Variants in BRINP3 observed in about 807,000 individuals in gnomAD.
BRINP3 encodes BMP/retinoic acid inducible neural specific 3, also known as BMP/retinoic acid-inducible neural-specific protein 3.
BRINP3 carries 19 observed loss-of-function variants against 71.0 expected under a neutral mutation model. The ratio of observed to expected loss-of-function variants is 0.27; its 90% CI spans 0.19 to 0.39. The LOEUF (loss-of-function observed/expected upper bound fraction) is 0.39, where lower values mean the gene tolerates loss of function less well. BRINP3 is among the 10% of genes least tolerant of loss of function. The pLI, the probability that BRINP3 is intolerant of heterozygous loss-of-function variation, is 1.00. For missense variants in BRINP3, 959 were observed against 940.8 expected (o/e 1.02, Z -0.25); for synonymous variants, 380 against 337.7 (o/e 1.13, Z -1.37).
At chr1:190,205,316 C>A in intron 6 of BRINP3, among the ~76,000 whole-genome samples, 1 of 145,840 alleles carries the variant, frequency 6.9e-6, no homozygotes, top group East Asian at 2.0e-4. Context: ...CTTTTCTACC[C>A]GCCACACATG....
At chr1:190,318,907 T>C (rs1413355750) in intron 2 of BRINP3, among the ~76,000 whole-genome samples, 2 of 152,124 alleles carry the variant, frequency 1.3e-5, no homozygotes, top group Admixed American at 6.6e-5. Flanking sequence ...CAGATGTAGA[T>C]CTATATATTT....
At chr1:190,172,612 C>A (rs537573419) in intron 6 of BRINP3, among the ~76,000 whole-genome samples, 6 of 152,234 alleles carry the variant, frequency 3.9e-5, no homozygotes, top group African/African-American at 1.4e-4. Context: ...GAACTTGGCA[C>A]CATTGTCATT....
chr1:190,220,699 A>G (rs1656806180), intron 6 of BRINP3, among the ~76,000 whole-genome samples: 2 of 152,130 alleles, frequency 1.3e-5, no homozygotes, highest in Admixed American at 1.3e-4. Context: ...AACATGAAGG[A>G]GAGATAAACT....
chr1:190,168,554 A>T (rs967429821), intron 6 of BRINP3, among the ~76,000 whole-genome samples: 1 of 152,208 alleles, frequency 6.6e-6, no homozygotes. Flanking sequence ...CTTGAGTAAA[A>T]AATTGTAATG....
At chr1:190,303,668 G>A (rs1168446693) in intron 2 of BRINP3, among the ~76,000 whole-genome samples, 3 of 151,566 alleles carry the variant, frequency 2.0e-5, no homozygotes, top group Non-Finnish European at 4.4e-5. Flanking sequence ...AAAGAACTAG[G>A]TCAGTTAAAA....
chr1:190,326,388 A>G (rs1334478140), intron 2 of BRINP3, among the ~76,000 whole-genome samples: 1 of 152,120 alleles, frequency 6.6e-6, no homozygotes, highest in Non-Finnish European at 1.5e-5. Flanking sequence ...ATTTGAGGGA[A>G]TAACACAGGA....
At chr1:190,202,607 T>C (rs1655103341) in intron 6 of BRINP3, among the ~76,000 whole-genome samples, 1 of 151,988 alleles carries the variant, frequency 6.6e-6, no homozygotes, top group African/African-American at 2.4e-5. Context: ...TCCTACATGC[T>C]GTGGGAGGGA....
At chr1:190,372,039 A>G (rs1215887517) in intron 2 of BRINP3, among the ~76,000 whole-genome samples, 1 of 152,176 alleles carries the variant, frequency 6.6e-6, no homozygotes, top group East Asian at 1.9e-4. Context: ...AGTGAATACG[A>G]GCATTTTAGA....
intron 1 of BRINP3, among the ~76,000 whole-genome samples, chr1:190,473,826 A>T (rs770993354): frequency 5.3e-5 from 8 of 149,752 alleles, no homozygotes; most frequent in Non-Finnish European, 1.0e-4. Flanking sequence ...AAAGATTTTC[A>T]TACTGGGGTT....
chr1:190,468,965 T>C (rs1216252955), intron 1 of BRINP3, among the ~76,000 whole-genome samples: 2 of 150,966 alleles, frequency 1.3e-5, no homozygotes, highest in African/African-American at 2.4e-5. Context: ...GGAAAAATAA[T>C]AATGCTGTCT....
chr1:190,135,951 C>A (rs751294152), intron 7 of BRINP3, among the ~76,000 whole-genome samples: 16 of 151,968 alleles, frequency 1.1e-4, no homozygotes, highest in Non-Finnish European at 1.5e-4. Context: ...TAGCTAACTT[C>A]TTGTGGAACA....
intron 6 of BRINP3, among the ~76,000 whole-genome samples, chr1:190,202,569 C>A (rs1039195760): frequency 2.0e-5 from 3 of 151,982 alleles, no homozygotes; most frequent in African/African-American, 7.2e-5. Flanking sequence ...ATGTCCCCAC[C>A]CAAATCTCAT....
chr1:190,100,382 T>C (rs981828683), intron 7 of BRINP3, among the ~76,000 whole-genome samples: 1 of 152,168 alleles, frequency 6.6e-6, no homozygotes, highest in Non-Finnish European at 1.5e-5. Context: ...TTTATATTGT[T>C]TTTCTCATTA....
chr1:190,209,364 C>T (rs1655789561), intron 6 of BRINP3, among the ~76,000 whole-genome samples: 1 of 152,114 alleles, frequency 6.6e-6, no homozygotes, highest in African/African-American at 2.4e-5. Context: ...GAGTTTTCAA[C>T]ATCTAGAACA....
chr1:190,341,195 A>T (rs531638098), intron 2 of BRINP3, among the ~76,000 whole-genome samples: 6 of 151,852 alleles, frequency 4.0e-5, no homozygotes, highest in Non-Finnish European at 8.8e-5. Context: ...TGTTCTTCAC[A>T]TTGGTTAGTT....
intron 1 of BRINP3, among the ~76,000 whole-genome samples, chr1:190,468,156 C>T (rs1676886019): frequency 6.6e-6 from 1 of 151,290 alleles, no homozygotes; most frequent in South Asian, 2.1e-4. Context: ...TTGTCTTCAG[C>T]TTTGACTGAT....
At chr1:190,410,057 CTTCT>C (rs1321442871) in intron 2 of BRINP3, among the ~76,000 whole-genome samples, 1 of 151,728 alleles carries the variant, frequency 6.6e-6, no homozygotes, top group African/African-American at 2.4e-5. Flanking sequence ...TCCTATTTTA[CTTCT>C]TTCTTTATTT....
chr1:190,117,919 C>G (rs1653287092), intron 7 of BRINP3, among the ~76,000 whole-genome samples: 1 of 151,980 alleles, frequency 6.6e-6, no homozygotes, highest in Non-Finnish European at 1.5e-5. Flanking sequence ...TATAAAATAG[C>G]TCACATTTTG....
chr1:190,169,426 A>G (rs945062457), intron 6 of BRINP3, among the ~76,000 whole-genome samples: 2 of 152,046 alleles, frequency 1.3e-5, no homozygotes, highest in Non-Finnish European at 2.9e-5. Context: ...TGCTATTGTG[A>G]TTTGAGGCTT....
Sources: gnomAD v4.1 joint callset for allele counts (sites outside exome capture counted in the v4.1 genomes callset) on GRCh38, gnomAD v4.1.1 for gene constraint, MANE v1.5 for transcripts, NCBI Gene and HGNC (gene_info 2026-07-23, HGNC 2026-07-21) for gene names.